Variants in MED12L observed in about 807,000 individuals in gnomAD.
MED12L encodes mediator complex subunit 12L.
Under a neutral mutation model 281.3 loss-of-function variants are expected in MED12L, and 60 were observed. That is an observed-to-expected ratio of 0.21 (90% CI 0.17 to 0.26). MED12L has a LOEUF of 0.26. Among genes scored for constraint, MED12L ranks in the 10% least tolerant of loss-of-function variants. The pLI, the probability that MED12L is intolerant of heterozygous loss-of-function variation, is 1.00. For missense variants in MED12L, 2,146 were observed against 2,680.9 expected, an observed-to-expected ratio of 0.80 and a Z score of 4.41; for synonymous variants, 974 against 987.2, an observed-to-expected ratio of 0.99 and a Z score of 0.25.
At position 151,085,716 on chromosome 3, in the gene MED12L, C is replaced by A. The variant is rs1351456550; in HGVS notation, c.-350C>A. Reference sequence around the variant, plus strand: ...TCCGCCAACTCGGAAGCTCGCGCTCCCGGGCCGTGGGGGCGAGAACGCCGG... The same window carrying A: ...TCCGCCAACTCGGAAGCTCGCGCTCACGGGCCGTGGGGGCGAGAACGCCGG... On this transcript the variant is annotated 5_prime_UTR_variant, in exon 1 of 45. Transcript: ENST00000687756. The A allele has an allele frequency of 6.6e-6, 1 of 152,116 alleles. No individual in the cohort carries two copies. The allele number at this position is 152,116 out of a possible 1,614,324, so 9.4% of individuals were successfully genotyped here.
intron 16 of MED12L, among the ~76,000 whole-genome samples, chr3:151,289,688 T>C (rs562309235): frequency 6.6e-6 from 1 of 152,244 alleles, no homozygotes; most frequent in Non-Finnish European, 1.5e-5. Context: ...TATATATTTA[T>C]GTAAATGTGT....
intron 5 of MED12L, among the ~76,000 whole-genome samples, chr3:151,148,289 T>A (rs1013369273): frequency 7.9e-5 from 12 of 152,250 alleles, no homozygotes; most frequent in Non-Finnish European, 1.5e-4. Flanking sequence ...TCTCTCCCAA[T>A]TGGTGTGTTA....
chr3:151,314,614 C>T (rs917563243), intron 16 of MED12L, among the ~76,000 whole-genome samples: 2 of 152,132 alleles, frequency 1.3e-5, no homozygotes, highest in Non-Finnish European at 2.9e-5. Context: ...TGAGACCTAG[C>T]GAAGTCGAGA....
intron 5 of MED12L, among the ~76,000 whole-genome samples, chr3:151,143,091 A>C (rs796474057): frequency 1.3e-5 from 2 of 152,220 alleles, no homozygotes; most frequent in Admixed American, 1.3e-4. Context: ...GTCTCCAGAA[A>C]AATCACACAG....
intron 16 of MED12L, among the ~76,000 whole-genome samples, chr3:151,241,156 G>T (rs767677183): frequency 6.6e-6 from 1 of 152,126 alleles, no homozygotes; most frequent in Non-Finnish European, 1.5e-5. Context: ...TATCATTAGT[G>T]GTTTTCTCCT....
chr3:151,294,438 A>G (rs1744774715), intron 16 of MED12L: 1 of 1,614,136 alleles, frequency 6.2e-7, no homozygotes, highest in African/African-American at 1.3e-5. Context: ...ATTCTGCACA[A>G]GTGATATGGT....
chr3:151,098,963 G>A (rs1323025337), intron 2 of MED12L, among the ~76,000 whole-genome samples: 2 of 152,126 alleles, frequency 1.3e-5, no homozygotes, highest in African/African-American at 4.8e-5. Flanking sequence ...CTTACATGGT[G>A]GCAGGCAAGA....
chr3:151,361,489 T>C (rs958115695), intron 21 of MED12L, among the ~76,000 whole-genome samples: 1 of 152,188 alleles, frequency 6.6e-6, no homozygotes, highest in African/African-American at 2.4e-5. Flanking sequence ...GTTAACCTAC[T>C]TGCTATCTTA....
At chr3:151,328,280 A>G (rs754980456) in intron 16 of MED12L, 20 of 1,614,050 alleles carry the variant, frequency 1.2e-5, no homozygotes, top group East Asian at 2.2e-5. Flanking sequence ...AGCCACGACA[A>G]CAAATACTTT....
intron 16 of MED12L, among the ~76,000 whole-genome samples, chr3:151,207,635 C>T (rs1256890233): frequency 6.6e-6 from 1 of 152,016 alleles, no homozygotes; most frequent in Non-Finnish European, 1.5e-5. Flanking sequence ...AAGGAGCTGT[C>T]AATTGGGCAG....
At chr3:151,213,722 A>T in intron 16 of MED12L, 1 of 1,614,178 alleles carries the variant, frequency 6.2e-7, no homozygotes. Flanking sequence ...AACAAAAGAA[A>T]CACAATCCAG....
chr3:151,086,965 G>C lies in MED12L; in HGVS notation c.39G>C (p.Pro13=). The part of the protein sequence containing the change: ...AFGLLSYEQR[P]LKRPRLGPPD... ...GGCTTCTCAGCTATGAGCAGAGACC[G>C]CTGAAGCGCCCCCGGCTCGGGCCGC... Residue 13 remains proline, a synonymous_variant, in exon 2 of 45, where the codon CCG becomes CCC. Transcript: ENST00000687756. The C allele has an allele frequency of 6.2e-7, 1 of 1,609,958 alleles. No individual in the cohort carries two copies. The highest frequency in any genetic ancestry group is 8.5e-7 in the Non-Finnish European group (1 of 1,178,782).
At chr3:151,220,759 T>C (rs2149264943) in intron 16 of MED12L, among the ~76,000 whole-genome samples, 1 of 152,338 alleles carries the variant, frequency 6.6e-6, no homozygotes, top group South Asian at 2.1e-4. Context: ...CCTCTTTCTT[T>C]TGTAAACTGT....
chr3:151,102,720 G>A lies in MED12L; in HGVS notation c.100-13618G>A, dbSNP rs142348983. On this transcript the variant is annotated intron_variant, in intron 2 of 44. Coordinates refer to ENST00000687756, the MANE Select transcript of MED12L (RefSeq NM_001393769.1). ...ATTCCTGGACAATCAAGTGATCGTC[G>A]CCTGGGCCTCGCAAAGTGTTGGGGT... Among the ~76,000 whole-genome samples, 295 of 152,198 alleles carry A rather than the reference G, an allele frequency of 1.9e-3. 1 individual carries two copies. The highest frequency in any genetic ancestry group is 6.3e-3 in the African/African-American group (263 of 41,524).
intron 16 of MED12L, among the ~76,000 whole-genome samples, chr3:151,229,330 T>C (rs11711104): frequency 0.45 from 64,085 of 141,906 alleles, 15,154 homozygotes; most frequent in Middle Eastern, 0.6. Context: ...TTTTTTGAGA[T>C]GGAGTCTTGC....
At chr3:151,111,332 C>T (rs1235157903) in intron 2 of MED12L, among the ~76,000 whole-genome samples, 2 of 152,130 alleles carry the variant, frequency 1.3e-5, no homozygotes, top group South Asian at 2.1e-4. Flanking sequence ...ACTGTGTGAC[C>T]TTGGTCAAGT....
chr3:151,434,596 G>C lies in MED12L; in HGVS notation c.*1792G>C, dbSNP rs1015495935. 2.0e-5 allele frequency: 3 copies of C among 152,166 alleles called. No homozygotes were observed. The highest frequency in any genetic ancestry group is 3.8e-4 in the East Asian group (2 of 5,204). The allele number at this position is 152,166 out of a possible 1,614,324, so 9.4% of individuals were successfully genotyped here. A position where few individuals can be genotyped will look rare whatever the true frequency, so the allele number is the denominator to read the frequency against. ...TTTTTCCTCTCAAGAAACATACTTAGATAAGCTAATGAAGTTGTTTTCTTC... is the reference window on the plus strand; with the variant it reads ...TTTTTCCTCTCAAGAAACATACTTACATAAGCTAATGAAGTTGTTTTCTTC... On this transcript the variant is annotated 3_prime_UTR_variant, in exon 45 of 45. Transcript: ENST00000687756.
intron 16 of MED12L, chr3:151,241,691 A>G (rs574921879): frequency 6.6e-6 from 1 of 152,058 alleles, no homozygotes; most frequent in Non-Finnish European, 1.5e-5. Flanking sequence ...ACACACATAC[A>G]TAATTTTTTT....
Position 151,377,145 on chromosome 3 carries a change from G to T in MED12L, c.4283G>T (p.Ser1428Ile). 1.9e-6 allele frequency: 3 copies of T among 1,613,620 alleles called. No homozygotes were observed. Among genetic ancestry groups the T allele is most frequent in the African/African-American group, 1.3e-5 (1 of 75,030 alleles). The change falls in exon 30 of 45, where the codon AGC becomes ATC. Residue 1428 changes from serine to isoleucine, a missense_variant. Transcript: ENST00000687756. ...PNSIGSADTS[S>I]TRQNGIKTFL... ...AGTATTGGAAGTGCTGATACAAGTA[G>T]CACGAGACAGAATGGAATAAAGACA...
Sources: gnomAD v4.1 joint callset for allele counts (sites outside exome capture counted in the v4.1 genomes callset) on GRCh38, gnomAD v4.1.1 for gene constraint, MANE v1.5 for transcripts, NCBI Gene and HGNC (gene_info 2026-07-23, HGNC 2026-07-21) for gene names.